The following CAB39L variants were observed in gnomAD, a reference collection of about 807,000 sequenced individuals.
The protein encoded by CAB39L is calcium-binding protein 39-like.
Under a neutral mutation model 39.1 loss-of-function variants are expected in CAB39L, and 23 were observed. The ratio of observed to expected loss-of-function variants is 0.59; its 90% CI spans 0.42 to 0.83. The LOEUF (loss-of-function observed/expected upper bound fraction) is 0.83. Among genes scored for constraint, CAB39L ranks in the 40% least tolerant of loss-of-function variants. CAB39L has a pLI of 0.00. For missense variants in CAB39L, 366 were observed against 391.9 expected (o/e 0.93, Z 0.56); for synonymous variants, 126 against 137.2 (o/e 0.92, Z 0.57).
intron 3 of CAB39L, among the ~76,000 whole-genome samples, chr13:49,404,801 CAG>C (rs1027502794): frequency 3.9e-5 from 6 of 152,108 alleles, no homozygotes; most frequent in African/African-American, 1.4e-4. Context: ...AAAAATGCAT[CAG>C]AGTTTCTCAA....
chr13:49,338,039 T>TATTAC (rs1954898091), intron 9 of CAB39L, among the ~76,000 whole-genome samples: 13 of 152,352 alleles, frequency 8.5e-5, no homozygotes, highest in Admixed American at 5.9e-4. Flanking sequence ...TATTTACGGG[T>TATTAC]AATTGAGAAT....
intron 3 of CAB39L, among the ~76,000 whole-genome samples, chr13:49,395,568 T>C (rs74072573): frequency 6.6e-4 from 101 of 152,230 alleles, no homozygotes; most frequent in African/African-American, 2.3e-3. Flanking sequence ...AAACATGATT[T>C]CTTTGGCTAT....
At chr13:49,377,891 C>T (rs1956126580) in intron 4 of CAB39L, among the ~76,000 whole-genome samples, 1 of 81,972 alleles carries the variant, frequency 1.2e-5, no homozygotes, top group Non-Finnish European at 2.5e-5. Flanking sequence ...CGGCCGCCAT[C>T]CCATCTAGGA....
At chr13:49,411,137 G>A (rs2041390050) in intron 3 of CAB39L, among the ~76,000 whole-genome samples, 1 of 152,020 alleles carries the variant, frequency 6.6e-6, no homozygotes, top group Admixed American at 6.5e-5. Flanking sequence ...AGCCCGGTGT[G>A]GTGACTTGTG....
At chr13:49,329,596 T>TATATAA (rs1953667260) in intron 10 of CAB39L, among the ~76,000 whole-genome samples, 2 of 122,648 alleles carry the variant, frequency 1.6e-5, no homozygotes, top group Admixed American at 9.2e-5. Flanking sequence ...TATATATATA[T>TATATAA]AATGATGTAA....
At chr13:49,338,741 AT>A (rs1477179185) in intron 9 of CAB39L, among the ~76,000 whole-genome samples, 11 of 152,282 alleles carry the variant, frequency 7.2e-5, no homozygotes, top group African/African-American at 2.4e-4. Flanking sequence ...GTTAGAGGTG[AT>A]TTTTAAAAAA....
chr13:49,443,902 C>T, intron 1 of CAB39L, 84 bp downstream of exon 1: 1 of 456,734 alleles, frequency 2.2e-6, no homozygotes, highest in East Asian at 6.9e-5. Flanking sequence ...CCGGACCCCT[C>T]CACTACGGCC....
At chr13:49,402,937 T>A (rs1019433270) in intron 3 of CAB39L, among the ~76,000 whole-genome samples, 10 of 152,128 alleles carry the variant, frequency 6.6e-5, no homozygotes, top group Non-Finnish European at 1.5e-4. Context: ...TCTAAATCAC[T>A]GAGGGTATGA....
intron 7 of CAB39L, 114 bp from the exon 8 acceptor site, chr13:49,344,352 G>T: frequency 1.6e-6 from 1 of 624,592 alleles, no homozygotes; most frequent in Non-Finnish European, 2.8e-6. Context: ...TTTCATTTGC[G>T]CCACAAAATT....
rs1278321797 is a variant in CAB39L, at chr13:49,309,261, G to C, written c.*1553C>G. The C allele has an allele frequency of 2.0e-5, 3 of 152,260 alleles. No homozygotes were observed. Among genetic ancestry groups the C allele is most frequent in the Non-Finnish European group, 2.9e-5 (2 of 68,086 alleles). 9.4% of individuals were successfully genotyped at this position (152,260 alleles called of 1,614,324 possible). On this transcript the variant is annotated 3_prime_UTR_variant, in exon 11 of 11. Transcript: ENST00000409308. ...CTGCCAAAGCGGGGAGGTGCGCCAG[G>C]CCCCACATCACCTGCCTCGGGGTCC...
chr13:49,337,730 GCGCACACACACACA>G (rs1566072719), intron 9 of CAB39L, among the ~76,000 whole-genome samples: 1 of 85,362 alleles, frequency 1.2e-5, no homozygotes, highest in African/African-American at 5.4e-5. Context: ...AGCTGCTCTG[GCGCACACACACACA>G]CACACACACA....
At chr13:49,342,098 T>C (rs1309887132) in intron 8 of CAB39L, among the ~76,000 whole-genome samples, 1 of 152,188 alleles carries the variant, frequency 6.6e-6, no homozygotes, top group Non-Finnish European at 1.5e-5. Flanking sequence ...TGTGTGAAGA[T>C]ATACTATTGA....
At chr13:49,375,078 G>A (rs1428602559) in intron 5 of CAB39L, among the ~76,000 whole-genome samples, 2 of 152,058 alleles carry the variant, frequency 1.3e-5, no homozygotes, top group Non-Finnish European at 2.9e-5. Context: ...TAGTTCCTGA[G>A]TTTGAGAAAA....
At chr13:49,368,174 A>G (rs1167259407) in intron 5 of CAB39L, among the ~76,000 whole-genome samples, 2 of 152,236 alleles carry the variant, frequency 1.3e-5, no homozygotes, top group African/African-American at 4.8e-5. Context: ...AGAACATTCC[A>G]TACAGCATTC....
intron 10 of CAB39L, among the ~76,000 whole-genome samples, chr13:49,318,227 T>C (rs1179375668): frequency 6.6e-6 from 1 of 151,506 alleles, no homozygotes; most frequent in African/African-American, 2.4e-5. Flanking sequence ...TTGGGGAGGC[T>C]AAGGTGGGAG....
In CAB39L at chr13:49,350,868, C is replaced by G; in HGVS notation, c.440G>C (p.Arg147Thr). Residue 147 changes from arginine (R) to threonine (T), a missense_variant, in exon 7 of 11, where the codon AGA (arginine) becomes ACA (threonine). Arg to Thr is a moderately conservative substitution (Grantham distance 71, BLOSUM62 -1). Transcript: ENST00000409308. ...AAGTGGTTCATGTCGAATACATTCT[C>G]TCAGCATAATCCCACAACGTAAGGC... is the stretch of plus-strand genomic sequence containing the variant. The part of the protein sequence containing the change: ...QIALRCGIML[R>T]ECIRHEPLAK... The G allele has an allele frequency of 6.2e-7, 1 of 1,611,394 alleles. No individual in the cohort carries two copies. Among genetic ancestry groups the G allele is most frequent in the East Asian group, 2.2e-5 (1 of 44,814 alleles).
chr13:49,376,639 TA>T (rs1956067477), intron 5 of CAB39L, among the ~76,000 whole-genome samples: 1 of 152,186 alleles, frequency 6.6e-6, no homozygotes. Context: ...AATACAGTAT[TA>T]AACACAAAGG....
At chr13:49,368,400 T>C (rs2138533011) in intron 5 of CAB39L, among the ~76,000 whole-genome samples, 1 of 152,324 alleles carries the variant, frequency 6.6e-6, no homozygotes, top group Non-Finnish European at 1.5e-5. Flanking sequence ...TGAATAATGA[T>C]CTCTACATTA....
chr13:49,324,840 C>T (rs964344302), intron 10 of CAB39L, among the ~76,000 whole-genome samples: 8 of 152,178 alleles, frequency 5.3e-5, no homozygotes, highest in African/African-American at 1.7e-4. Flanking sequence ...TTGGGATCTA[C>T]AAATTTCATA....
Sources: gnomAD v4.1 joint callset for allele counts (sites outside exome capture counted in the v4.1 genomes callset) on GRCh38, gnomAD v4.1.1 for gene constraint, MANE v1.5 for transcripts, NCBI Gene and HGNC (gene_info 2026-07-23, HGNC 2026-07-21) for gene names.